The following PACSIN2 variants were observed in gnomAD, a reference collection of about 807,000 sequenced individuals.
PACSIN2 encodes the protein protein kinase C and casein kinase substrate in neurons 2, also known as protein kinase C and casein kinase substrate in neurons protein 2.
Under a neutral mutation model 63.8 loss-of-function variants are expected in PACSIN2, and 25 were observed. The ratio of observed to expected loss-of-function variants is 0.39; its 90% CI spans 0.29 to 0.55. The LOEUF is 0.55. Ranked by LOEUF, PACSIN2 falls within the 20% of genes least tolerant of loss-of-function variation. PACSIN2 has a pLI of 0.62. For missense variants in PACSIN2, 518 were observed against 646.9 expected (o/e 0.80, Z 2.16); for synonymous variants, 255 against 256.2 (o/e 1.00, Z 0.05).
intron 2 of PACSIN2, among the ~76,000 whole-genome samples, chr22:42,908,017 C>T (rs537875576): frequency 2.6e-5 from 4 of 152,076 alleles, no homozygotes; most frequent in African/African-American, 4.8e-5. Context: ...TTGAGAGTCA[C>T]GTGCCAACTC....
intron 1 of PACSIN2, among the ~76,000 whole-genome samples, chr22:42,936,919 G>C (rs1004127841): frequency 2.3e-5 from 3 of 130,264 alleles, no homozygotes; most frequent in South Asian, 2.4e-4. Flanking sequence ...TCAAAAAAAG[G>C]GGGGGGGGCA....
In PACSIN2 at chr22:42,871,720, A is replaced by G. The variant is rs546525319; in HGVS notation, c.1349-251T>C. ...GGAACAAGCTGCTCTCAGCTGCCAC[A>G]GTGGCTCCCACTGAGACTGCGGCAT... On this transcript the variant is annotated intron_variant, in intron 10 of 10. Coordinates refer to ENST00000263246, the MANE Select transcript of PACSIN2 (RefSeq NM_001184970.3). This position sits in a 1 kb window ranked among gnomAD's most constrained non-coding sequence, Gnocchi z 5.4. 7.9e-5 allele frequency among the ~76,000 whole-genome samples: 12 copies of G among 152,044 alleles called. No homozygotes were observed. Among genetic ancestry groups the G allele is most frequent in the African/African-American group, 2.9e-4 (12 of 41,470 alleles).
At position 42,889,698 on chromosome 22, in the gene PACSIN2, A is replaced by C. The variant is rs1929763651; in HGVS notation, c.454-900T>G. ...GCACATCTACCGTCTACTCCATTCCAGCTAGGAATGGGGGGCGAGGCTGCA... is the reference window on the plus strand; with the variant it reads ...GCACATCTACCGTCTACTCCATTCCCGCTAGGAATGGGGGGCGAGGCTGCA... On this transcript the variant is annotated intron_variant, in intron 4 of 10. Transcript: ENST00000263246. Among the ~76,000 whole-genome samples the C allele has an allele frequency of 2.0e-5, 3 of 152,110 alleles. No individual in the cohort carries two copies. The South Asian group carries it at 6.2e-4, about 32-fold the overall frequency.
At chr22:42,890,427 T>C (rs1357336464) in intron 4 of PACSIN2, among the ~76,000 whole-genome samples, 1 of 152,164 alleles carries the variant, frequency 6.6e-6, no homozygotes, top group Non-Finnish European at 1.5e-5. Context: ...ATCTGTAAAA[T>C]GTGTTGGTAG....
chr22:42,922,229 TG>T (rs1213173615), intron 1 of PACSIN2, among the ~76,000 whole-genome samples: 1 of 152,242 alleles, frequency 6.6e-6, no homozygotes, highest in Non-Finnish European at 1.5e-5. Context: ...TGGCACAGGC[TG>T]GAAGCTGGCA....
At chr22:42,964,362 G>A (rs772655563) in intron 1 of PACSIN2, among the ~76,000 whole-genome samples, 1 of 150,118 alleles carries the variant, frequency 6.7e-6, no homozygotes, top group Non-Finnish European at 1.5e-5. Flanking sequence ...AGGTTGCAGT[G>A]AGCCAAGATC....
chr22:43,010,668 C>T (rs1185172747), intron 1 of PACSIN2, among the ~76,000 whole-genome samples: 1 of 152,090 alleles, frequency 6.6e-6, no homozygotes, highest in African/African-American at 2.4e-5. Context: ...CAAGATCACA[C>T]CACAGGGCAC....
At chr22:42,974,830 A>AGAG (rs879889564) in intron 1 of PACSIN2, among the ~76,000 whole-genome samples, 4 of 151,880 alleles carry the variant, frequency 2.6e-5, no homozygotes, top group Admixed American at 6.6e-5. Context: ...AAGAAGAAGA[A>AGAG]GAGGAGGAGG....
intron 1 of PACSIN2, among the ~76,000 whole-genome samples, chr22:42,924,502 G>A (rs1411936664): frequency 6.6e-6 from 1 of 152,078 alleles, no homozygotes; most frequent in African/African-American, 2.4e-5. Context: ...CCACATTGCT[G>A]CTCTTAAGCC....
intron 1 of PACSIN2, among the ~76,000 whole-genome samples, chr22:42,934,121 T>C (rs1007453666): frequency 6.6e-6 from 1 of 152,260 alleles, no homozygotes; most frequent in Non-Finnish European, 1.5e-5. Flanking sequence ...TGAAATTTTC[T>C]CTAATTTTAC....
chr22:42,974,523 A>G (rs1220494444), intron 1 of PACSIN2, among the ~76,000 whole-genome samples: 1 of 152,102 alleles, frequency 6.6e-6, no homozygotes, highest in Non-Finnish European at 1.5e-5. Flanking sequence ...GTCTGGGTAG[A>G]GGCCATCCAT....
At position 42,896,122 on chromosome 22, in the gene PACSIN2, G is replaced by C. The variant is rs188796959; in HGVS notation, c.61-2509C>G. 2.0e-5 allele frequency among the ~76,000 whole-genome samples: 3 copies of C among 152,296 alleles called. No individual in the cohort carries two copies. The East Asian group carries it at 5.8e-4, about 29-fold the overall frequency. On this transcript the variant is annotated intron_variant, in intron 2 of 10. Transcript: ENST00000263246. ...CACTGTCTACCACCTCCACAGCAAG[G>C]AACAGGACACTTCCATCTCTCATGA...
intron 1 of PACSIN2, among the ~76,000 whole-genome samples, chr22:42,987,494 C>CACACA (rs769969045): frequency 0.015 from 1,011 of 67,976 alleles, 26 homozygotes; most frequent in East Asian, 0.064. Flanking sequence ...ACACACACAC[C>CACACA]CATGGCACCA....
At chr22:42,989,891 C>T (rs551736365) in intron 1 of PACSIN2, among the ~76,000 whole-genome samples, 1 of 148,498 alleles carries the variant, frequency 6.7e-6, no homozygotes, top group Non-Finnish European at 1.5e-5. Context: ...TATATACACA[C>T]ACACACACAT....
At chr22:42,932,272 G>A (rs1932794598) in intron 1 of PACSIN2, among the ~76,000 whole-genome samples, 1 of 152,174 alleles carries the variant, frequency 6.6e-6, no homozygotes, top group Non-Finnish European at 1.5e-5. Flanking sequence ...ACAAGCGTAT[G>A]GCCGGCTCCC....
intron 1 of PACSIN2, among the ~76,000 whole-genome samples, chr22:42,921,372 G>GAAA (rs66480466): frequency 8.0e-6 from 1 of 125,034 alleles, no homozygotes; most frequent in Non-Finnish European, 1.7e-5. Flanking sequence ...AAAGAAAAAA[G>GAAA]AAAAAAAAAA....
chr22:42,893,617 G>C lies in PACSIN2; in HGVS notation c.61-4C>G. 5.6e-6 allele frequency: 9 copies of C among 1,611,494 alleles called. No individual in the cohort carries two copies. Among genetic ancestry groups the C allele is most frequent in the Non-Finnish European group, 7.6e-6 (9 of 1,177,880 alleles). On this transcript the variant is annotated splice_polypyrimidine_tract_variant and splice_region_variant and intron_variant, in intron 2 of 10. Coordinates refer to ENST00000263246, the MANE Select transcript of PACSIN2 (RefSeq NM_001184970.3). ...CAGTCCGCTTGTAGTTCCCGACCTAGGAGAGAGAACCAGCTGGGAGGCAGG... is the reference window on the plus strand; with the variant it reads ...CAGTCCGCTTGTAGTTCCCGACCTACGAGAGAGAACCAGCTGGGAGGCAGG...
At chr22:42,995,088 G>A (rs1470773066) in intron 1 of PACSIN2, among the ~76,000 whole-genome samples, 5 of 152,328 alleles carry the variant, frequency 3.3e-5, no homozygotes, top group South Asian at 2.1e-4. Flanking sequence ...TCCCCGCCTC[G>A]GGGCTGCTCC....
At chr22:42,890,289 C>T (rs184911923) in intron 4 of PACSIN2, among the ~76,000 whole-genome samples, 147 of 152,250 alleles carry the variant, frequency 9.7e-4, no homozygotes, top group Middle Eastern at 6.8e-3. Flanking sequence ...CGTGAGCCAC[C>T]GCGCCCGGCA....
Sources: gnomAD v4.1 joint callset for allele counts (sites outside exome capture counted in the v4.1 genomes callset) on GRCh38, gnomAD v4.1.1 for gene constraint, Gnocchi (gnomAD v3.1) non-coding constraint, MANE v1.5 for transcripts, NCBI Gene and HGNC (gene_info 2026-07-23, HGNC 2026-07-21) for gene names.